TMEM132C: variants seen among roughly 807,000 people sequenced by gnomAD.
TMEM132C encodes transmembrane protein 132C, also known as protein phosphatase 1, regulatory subunit 152.
A neutral mutation model predicts 61.4 loss-of-function variants in TMEM132C; 29 were observed. The observed-to-expected ratio is 0.47, with a 90% CI of 0.35 to 0.64. TMEM132C has a LOEUF of 0.64. Ranked by LOEUF, TMEM132C falls within the 30% of genes least tolerant of loss-of-function variation. The pLI, the probability that TMEM132C is intolerant of heterozygous loss-of-function variation, is 0.00. For missense variants in TMEM132C, 1,408 were observed against 1,476.9 expected (o/e 0.95, Z 0.76); for synonymous variants, 656 against 633.1 (o/e 1.04, Z -0.54).
chr12:128,615,759 C>T (rs1876779833), intron 3 of TMEM132C, among the ~76,000 whole-genome samples: 1 of 152,168 alleles, frequency 6.6e-6, no homozygotes, highest in African/African-American at 2.4e-5. Flanking sequence ...CGGTTCATGG[C>T]CCAGGGGTTG....
chr12:128,606,850 G>C (rs1876444656), intron 3 of TMEM132C, among the ~76,000 whole-genome samples: 1 of 152,178 alleles, frequency 6.6e-6, no homozygotes, highest in Non-Finnish European at 1.5e-5. Flanking sequence ...TCAGAGAGTA[G>C]ATCTTTTCTA....
chr12:128,566,218 A>G (rs1874699557), intron 3 of TMEM132C, among the ~76,000 whole-genome samples: 1 of 151,054 alleles, frequency 6.6e-6, no homozygotes, highest in South Asian at 2.1e-4. Context: ...GTTTTAATCA[A>G]TAGCTGTCTC....
chr12:128,590,488 C>T (rs776379915), intron 3 of TMEM132C, among the ~76,000 whole-genome samples: 10 of 152,186 alleles, frequency 6.6e-5, no homozygotes, highest in Non-Finnish European at 1.5e-4. Flanking sequence ...CGTAGCTGCA[C>T]AGTCAGAGCC....
chr12:128,365,517 T>C (rs187942841), intron 1 of TMEM132C, among the ~76,000 whole-genome samples: 5 of 152,354 alleles, frequency 3.3e-5, no homozygotes, highest in African/African-American at 4.8e-5. Flanking sequence ...AATGTAAGAA[T>C]TGTCCTCCCC....
In TMEM132C at chr12:128,387,253, C is replaced by T. The variant is rs531745449; in HGVS notation, c.86-27479C>T. Among the ~76,000 whole-genome samples, 198 of 152,128 alleles carry T rather than the reference C, an allele frequency of 1.3e-3. 1 individual carries two copies. Among genetic ancestry groups the T allele is most frequent in the African/African-American group, 4.5e-3 (188 of 41,518 alleles). On this transcript the variant is annotated intron_variant, in intron 1 of 8. Transcript: ENST00000435159. Reference sequence around the variant, plus strand: ...TTCGGGAACCCGCAGGACAAGTAAGCATGTGTGCATGCTGTCCTGAGCTGA... The same window carrying T: ...TTCGGGAACCCGCAGGACAAGTAAGTATGTGTGCATGCTGTCCTGAGCTGA...
intron 2 of TMEM132C, among the ~76,000 whole-genome samples, chr12:128,466,742 T>A (rs1870749702): frequency 6.6e-6 from 1 of 152,136 alleles, no homozygotes; most frequent in African/African-American, 2.4e-5. Context: ...GGTCTTGAAC[T>A]CTTGGGGTCA....
intron 1 of TMEM132C, among the ~76,000 whole-genome samples, chr12:128,379,233 G>A (rs77845609): frequency 0.011 from 1,639 of 152,256 alleles, 33 homozygotes; most frequent in African/African-American, 0.037. Context: ...GAAAGATAGG[G>A]GTCACATGGT....
chr12:128,600,573 C>T (rs1217244879), intron 3 of TMEM132C, among the ~76,000 whole-genome samples: 1 of 152,146 alleles, frequency 6.6e-6, no homozygotes, highest in Non-Finnish European at 1.5e-5. Flanking sequence ...TTGGGAAACA[C>T]CTTTGCAGCT....
intron 1 of TMEM132C, among the ~76,000 whole-genome samples, chr12:128,276,001 T>C (rs1362050750): frequency 6.6e-6 from 1 of 152,154 alleles, no homozygotes; most frequent in African/African-American, 2.4e-5. Flanking sequence ...TGGCCTCCCA[T>C]TCTAAATGAT....
chr12:128,297,082 A>G (rs983816541), intron 1 of TMEM132C, among the ~76,000 whole-genome samples: 1 of 152,004 alleles, frequency 6.6e-6, no homozygotes, highest in Non-Finnish European at 1.5e-5. Context: ...GTGCATATGT[A>G]AGTTTTCCCC....
At chr12:128,393,282 A>G (rs568062267) in intron 1 of TMEM132C, among the ~76,000 whole-genome samples, 6 of 152,316 alleles carry the variant, frequency 3.9e-5, no homozygotes, top group African/African-American at 1.2e-4. Context: ...GACCAATTGG[A>G]AAGTCTCTCC....
chr12:128,604,367 A>C (rs1876322963), intron 3 of TMEM132C, among the ~76,000 whole-genome samples: 1 of 151,886 alleles, frequency 6.6e-6, no homozygotes. Context: ...TGGATAATAG[A>C]GGGATAGATA....
At chr12:128,356,005 G>T (rs140478374) in intron 1 of TMEM132C, among the ~76,000 whole-genome samples, 354 of 152,242 alleles carry the variant, frequency 2.3e-3, no homozygotes, top group African/African-American at 7.7e-3. Context: ...TAGGTGTCTT[G>T]TCATTGTTGA....
intron 5 of TMEM132C, among the ~76,000 whole-genome samples, chr12:128,678,838 A>C (rs1954613019): frequency 6.6e-6 from 1 of 152,198 alleles, no homozygotes; most frequent in African/African-American, 2.4e-5. Flanking sequence ...GTCCCGCCCT[A>C]GGCCGAGCAG....
At chr12:128,626,565 C>T (rs1205548324) in intron 4 of TMEM132C, among the ~76,000 whole-genome samples, 2 of 151,534 alleles carry the variant, frequency 1.3e-5, no homozygotes, top group Non-Finnish European at 2.9e-5. Context: ...GTGCCTCAGC[C>T]TCCTGCGTAG....
At chr12:128,618,201 C>T (rs904870934) in intron 4 of TMEM132C, among the ~76,000 whole-genome samples, 2 of 152,170 alleles carry the variant, frequency 1.3e-5, no homozygotes, top group African/African-American at 2.4e-5. Context: ...CATTCAAATA[C>T]TTTGAAAAGG....
intron 5 of TMEM132C, among the ~76,000 whole-genome samples, chr12:128,673,137 A>C (rs1460647632): frequency 6.6e-6 from 1 of 152,170 alleles, no homozygotes; most frequent in Non-Finnish European, 1.5e-5. Context: ...TTTGTGTCCC[A>C]CCCTGAATTC....
At chr12:128,349,322 G>A (rs1258386223) in intron 1 of TMEM132C, among the ~76,000 whole-genome samples, 2 of 152,104 alleles carry the variant, frequency 1.3e-5, no homozygotes, top group African/African-American at 2.4e-5. Flanking sequence ...TTTTTAAAAG[G>A]CAGAGTCACC....
At chr12:128,458,473 C>T (rs971478281) in intron 2 of TMEM132C, among the ~76,000 whole-genome samples, 1 of 151,982 alleles carries the variant, frequency 6.6e-6, no homozygotes, top group African/African-American at 2.4e-5. Context: ...GTTGTGTAAT[C>T]ACTTCGTGGT....
Sources: gnomAD v4.1 joint callset for allele counts (sites outside exome capture counted in the v4.1 genomes callset) on GRCh38, gnomAD v4.1.1 for gene constraint, MANE v1.5 for transcripts, NCBI Gene and HGNC (gene_info 2026-07-23, HGNC 2026-07-21) for gene names.